Variants in CYP7B1 observed in about 807,000 individuals in gnomAD.
CYP7B1 encodes the protein cytochrome P450 7B1.
In CYP7B1, 29 loss-of-function variants were observed where a neutral mutation model predicts 42.7. That is an observed-to-expected ratio of 0.68 (90% CI 0.51 to 0.93). The LOEUF is 0.93. Among genes scored for constraint, CYP7B1 ranks in the 40% least tolerant of loss-of-function variants. The pLI, the probability that CYP7B1 is intolerant of heterozygous loss-of-function variation, is 0.00. For missense variants in CYP7B1, 655 were observed against 600.5 expected (o/e 1.09, Z -0.95); for synonymous variants, 235 against 218.2 (o/e 1.08, Z -0.68).
chr8:64,765,099 A>C (rs908585298), intron 1 of CYP7B1, among the ~76,000 whole-genome samples: 2 of 152,198 alleles, frequency 1.3e-5, no homozygotes, highest in Admixed American at 1.3e-4. Context: ...TACTCAGCCA[A>C]GACTTAAAGT....
At position 64,780,179 on chromosome 8, in the gene CYP7B1, G is replaced by T. The variant is rs956679817; in HGVS notation, c.122+18287C>A. Among the ~76,000 whole-genome samples, 7 of 152,162 alleles carry T rather than the reference G, an allele frequency of 4.6e-5. No individual in the cohort carries two copies. In the South Asian group the frequency reaches 8.3e-4, roughly 18 times the overall value. On this transcript the variant is annotated intron_variant, in intron 1 of 5. Coordinates refer to ENST00000310193, the MANE Select transcript of CYP7B1 (RefSeq NM_004820.5). ...GTTTTATGACATTAGGTTTCAATTT[G>T]TATGCAGTTTGTATTTTTGATATCA...
chr8:64,751,732 C>T (rs956480764), intron 1 of CYP7B1, among the ~76,000 whole-genome samples: 2 of 152,034 alleles, frequency 1.3e-5, no homozygotes, highest in Non-Finnish European at 2.9e-5. Flanking sequence ...GAGTGCTTAC[C>T]CTTGTCTGAA....
chr8:64,632,219 T>C (rs1215124040), intron 1 of CYP7B1, among the ~76,000 whole-genome samples: 1 of 152,056 alleles, frequency 6.6e-6, no homozygotes. Context: ...GGTATAAACA[T>C]ACAATGCAAT....
intron 1 of CYP7B1, among the ~76,000 whole-genome samples, chr8:64,752,282 T>C (rs907292003): frequency 6.6e-6 from 1 of 152,122 alleles, no homozygotes; most frequent in Non-Finnish European, 1.5e-5. Flanking sequence ...TGTAAAAAAC[T>C]ATATAAAGAA....
At chr8:64,699,104 G>A (rs1233603958) in intron 1 of CYP7B1, among the ~76,000 whole-genome samples, 2 of 152,214 alleles carry the variant, frequency 1.3e-5, no homozygotes, top group Admixed American at 6.5e-5. Context: ...TAGACATTTT[G>A]TCACTTTACC....
At chr8:64,665,730 C>T (rs1418166195) in intron 1 of CYP7B1, among the ~76,000 whole-genome samples, 1 of 151,824 alleles carries the variant, frequency 6.6e-6, no homozygotes, top group Non-Finnish European at 1.5e-5. Flanking sequence ...GCATGTGCCA[C>T]CATGCCTGGT....
intron 1 of CYP7B1, among the ~76,000 whole-genome samples, chr8:64,794,138 A>G (rs1804666925): frequency 6.6e-6 from 1 of 152,222 alleles, no homozygotes; most frequent in South Asian, 2.1e-4. Context: ...TATTATCAGC[A>G]TGGGGTGTCA....
intron 1 of CYP7B1, among the ~76,000 whole-genome samples, chr8:64,728,720 G>C (rs1807360399): frequency 6.6e-6 from 1 of 152,136 alleles, no homozygotes; most frequent in African/African-American, 2.4e-5. Flanking sequence ...AAAAACTCAA[G>C]AGAATTATCA....
At chr8:64,656,263 C>T (rs1397739723) in intron 1 of CYP7B1, among the ~76,000 whole-genome samples, 1 of 152,174 alleles carries the variant, frequency 6.6e-6, no homozygotes, top group African/African-American at 2.4e-5. Context: ...AACATTGCTA[C>T]TGAGTTTTAG....
At chr8:64,744,736 A>G (rs991044791) in intron 1 of CYP7B1, among the ~76,000 whole-genome samples, 13 of 152,188 alleles carry the variant, frequency 8.5e-5, no homozygotes, top group African/African-American at 1.2e-4. Flanking sequence ...TTTTCACTGC[A>G]ATATAAAGCA....
At chr8:64,627,712 G>A in intron 1 of CYP7B1, among the ~76,000 whole-genome samples, 1 of 152,152 alleles carries the variant, frequency 6.6e-6, no homozygotes, top group East Asian at 1.9e-4. Flanking sequence ...ACAAAGATGA[G>A]AGGGTCATCA....
At chr8:64,770,574 T>C (rs1434859805) in intron 1 of CYP7B1, among the ~76,000 whole-genome samples, 1 of 152,170 alleles carries the variant, frequency 6.6e-6, no homozygotes, top group Non-Finnish European at 1.5e-5. Flanking sequence ...AATAAAACTA[T>C]TGAACAATAA....
At chr8:64,735,056 A>G (rs1807466798) in intron 1 of CYP7B1, among the ~76,000 whole-genome samples, 1 of 152,136 alleles carries the variant, frequency 6.6e-6, no homozygotes, top group Admixed American at 6.5e-5. Flanking sequence ...TGGACCATGG[A>G]CCAGTACTGG....
chr8:64,687,280 G>A (rs1202508925), intron 1 of CYP7B1, among the ~76,000 whole-genome samples: 8 of 152,160 alleles, frequency 5.3e-5, no homozygotes, highest in African/African-American at 1.9e-4. Context: ...ATTAATTCAC[G>A]TGACAACTTG....
chr8:64,696,944 G>A (rs1230980360), intron 1 of CYP7B1, among the ~76,000 whole-genome samples: 1 of 152,130 alleles, frequency 6.6e-6, no homozygotes, highest in Non-Finnish European at 1.5e-5. Flanking sequence ...CTGGAATTTT[G>A]TGAAAAATAA....
intron 1 of CYP7B1, among the ~76,000 whole-genome samples, chr8:64,639,689 A>G (rs1805825431): frequency 1.3e-5 from 2 of 152,124 alleles, no homozygotes; most frequent in Admixed American, 1.3e-4. Flanking sequence ...AGTTACCTGG[A>G]AAAGAGTAGC....
At chr8:64,734,566 C>T (rs1376499692) in intron 1 of CYP7B1, 2 of 152,180 alleles carry the variant, frequency 1.3e-5, no homozygotes, top group Non-Finnish European at 2.9e-5. Context: ...AATGGCCACA[C>T]CACTTAATGC....
intron 1 of CYP7B1, among the ~76,000 whole-genome samples, chr8:64,720,829 T>G (rs1163655736): frequency 2.0e-5 from 3 of 152,114 alleles, no homozygotes; most frequent in African/African-American, 7.2e-5. Flanking sequence ...CATAATGGTC[T>G]CTGGGTAATG....
intron 1 of CYP7B1, among the ~76,000 whole-genome samples, chr8:64,683,851 G>T (rs975209011): frequency 3.3e-5 from 5 of 151,844 alleles, no homozygotes; most frequent in African/African-American, 1.2e-4. Flanking sequence ...TGTAATCTTG[G>T]GGCATTTGCA....
Sources: allele counts gnomAD v4.1 joint callset (sites outside exome capture counted in the v4.1 genomes callset), GRCh38; gene constraint gnomAD v4.1.1; transcripts MANE v1.5; gene names NCBI Gene and HGNC (gene_info 2026-07-23, HGNC 2026-07-21).